The following ASIC2 variants were observed in gnomAD, a reference collection of about 807,000 sequenced individuals.
ASIC2 encodes acid sensing ion channel subunit 2.
ASIC2 carries 25 observed loss-of-function variants against 57.3 expected under a neutral mutation model. That is an observed-to-expected ratio of 0.44 (90% CI 0.32 to 0.61). ASIC2 has a LOEUF of 0.61. ASIC2 is among the 20% of genes least tolerant of loss of function. ASIC2 has a pLI of 0.06. For missense variants in ASIC2, 641 were observed against 738.1 expected (o/e 0.87, Z 1.52); for synonymous variants, 319 against 307.5 (o/e 1.04, Z -0.39).
chr17:33,919,455 TCTAG>T (rs1337795855), intron 1 of ASIC2, among the ~76,000 whole-genome samples: 1 of 152,168 alleles, frequency 6.6e-6, no homozygotes, highest in Non-Finnish European at 1.5e-5. Flanking sequence ...GGGATAACTG[TCTAG>T]CTATATGCAG....
intron 1 of ASIC2, chr17:33,932,700 C>T (rs549300353): frequency 1.2e-4 from 6 of 49,552 alleles, no homozygotes; most frequent in African/African-American, 2.9e-4. Flanking sequence ...GCAACAAAAG[C>T]GAAACTTTGT....
chr17:33,994,516 C>T (rs1906094772), intron 1 of ASIC2, among the ~76,000 whole-genome samples: 1 of 152,186 alleles, frequency 6.6e-6, no homozygotes, highest in South Asian at 2.1e-4. Context: ...TTGCCTCTTT[C>T]CCTAAGTGAG....
chr17:33,076,418 T>C (rs2092089382), intron 3 of ASIC2, among the ~76,000 whole-genome samples: 1 of 152,226 alleles, frequency 6.6e-6, no homozygotes, highest in Non-Finnish European at 1.5e-5. Context: ...AACATATTTG[T>C]AAATAGCTGC....
At chr17:33,100,761 A>G (rs546483976) in intron 2 of ASIC2, among the ~76,000 whole-genome samples, 45 of 152,192 alleles carry the variant, frequency 3.0e-4, no homozygotes, top group Non-Finnish European at 5.9e-4. Context: ...GTAGGTATGC[A>G]GTTGAGATTC....
intron 1 of ASIC2, among the ~76,000 whole-genome samples, chr17:34,094,697 T>C (rs1260695456): frequency 1.3e-5 from 2 of 152,182 alleles, no homozygotes; most frequent in African/African-American, 4.8e-5. Flanking sequence ...TCCAAGCCCA[T>C]CTCACAGGAA....
intron 1 of ASIC2, among the ~76,000 whole-genome samples, chr17:33,639,425 T>C (rs1906481440): frequency 6.6e-6 from 1 of 152,182 alleles, no homozygotes; most frequent in African/African-American, 2.4e-5. Flanking sequence ...TTTTTCTTCG[T>C]TCCAAATCTT....
At chr17:33,640,726 T>C (rs1451485915) in intron 1 of ASIC2, among the ~76,000 whole-genome samples, 1 of 152,008 alleles carries the variant, frequency 6.6e-6, no homozygotes, top group Admixed American at 6.5e-5. Context: ...GTAGTTCCCA[T>C]TCTGCGGTGT....
intron 1 of ASIC2, among the ~76,000 whole-genome samples, chr17:33,570,254 C>T (rs1330639796): frequency 6.6e-6 from 1 of 152,198 alleles, no homozygotes; most frequent in Admixed American, 6.5e-5. Flanking sequence ...TTTCTTCAGT[C>T]CTAGTAAAGA....
rs549664633 is a variant in ASIC2, at chr17:33,967,577, T to A, written c.555+188401A>T. Among the ~76,000 whole-genome samples the A allele has an allele frequency of 5.9e-5, 9 of 152,216 alleles. No individual in the cohort carries two copies. The South Asian group carries it at 1.7e-3, about 28-fold the overall frequency. On this transcript the variant is annotated intron_variant, in intron 1 of 9. Coordinates refer to the ASIC2 transcript ENST00000359872. ...CACAACTTTGAAGGTGGCTCAAAAGTCTTCAGTTACACCCCACTGTTACCT... is the reference window on the plus strand; with the variant it reads ...CACAACTTTGAAGGTGGCTCAAAAGACTTCAGTTACACCCCACTGTTACCT...
chr17:33,856,152 G>T (rs534319436), intron 1 of ASIC2, among the ~76,000 whole-genome samples: 1 of 152,302 alleles, frequency 6.6e-6, no homozygotes, highest in African/African-American at 2.4e-5. Context: ...CAGGGACTCT[G>T]ACATCTGACT....
intron 1 of ASIC2, among the ~76,000 whole-genome samples, chr17:33,369,341 G>A (rs1908952208): frequency 6.6e-6 from 1 of 152,212 alleles, no homozygotes; most frequent in South Asian, 2.1e-4. Flanking sequence ...GTGAGCCTGA[G>A]TCACCTAATT....
At chr17:34,033,251 C>T (rs1309216429) in intron 1 of ASIC2, among the ~76,000 whole-genome samples, 1 of 152,200 alleles carries the variant, frequency 6.6e-6, no homozygotes, top group Non-Finnish European at 1.5e-5. Flanking sequence ...GAACAACCTT[C>T]TCCTGAATGA....
intron 1 of ASIC2, among the ~76,000 whole-genome samples, chr17:33,538,352 C>T (rs182569036): frequency 3.9e-5 from 6 of 152,282 alleles, no homozygotes; most frequent in African/African-American, 4.8e-5. Flanking sequence ...CATACAGACA[C>T]GGCCAGTGGG....
intron 1 of ASIC2, among the ~76,000 whole-genome samples, chr17:33,769,319 G>C (rs1002692871): frequency 2.6e-5 from 4 of 152,216 alleles, no homozygotes; most frequent in African/African-American, 9.6e-5. Context: ...GTTGGCCGTG[G>C]GTTCTGCATG....
chr17:33,921,353 A>G (rs1847762061), intron 1 of ASIC2, among the ~76,000 whole-genome samples: 1 of 152,238 alleles, frequency 6.6e-6, no homozygotes, highest in Non-Finnish European at 1.5e-5. Context: ...CCTGTTATTT[A>G]CTGAATGATT....
intron 1 of ASIC2, among the ~76,000 whole-genome samples, chr17:34,030,063 AC>A (rs1218046594): frequency 6.6e-6 from 1 of 151,926 alleles, no homozygotes; most frequent in East Asian, 1.9e-4. Flanking sequence ...CTTCACAACT[AC>A]CCCCTACTAC....
At chr17:33,902,684 A>G (rs1472702061) in intron 1 of ASIC2, among the ~76,000 whole-genome samples, 4 of 152,196 alleles carry the variant, frequency 2.6e-5, no homozygotes, top group Admixed American at 2.6e-4. Flanking sequence ...GACAGTCAAC[A>G]TCTGGGTTTT....
chr17:33,693,326 T>G (rs1054545229), intron 1 of ASIC2, among the ~76,000 whole-genome samples: 7 of 152,238 alleles, frequency 4.6e-5, no homozygotes, highest in African/African-American at 1.7e-4. Context: ...AGAATCCTCT[T>G]GATTTTTGAA....
intron 1 of ASIC2, among the ~76,000 whole-genome samples, chr17:33,651,949 T>C (rs1012452936): frequency 6.6e-6 from 1 of 152,152 alleles, no homozygotes; most frequent in African/African-American, 2.4e-5. Context: ...AGCCAACACA[T>C]CATCCCGCTG....
Sources: allele counts gnomAD v4.1 joint callset (sites outside exome capture counted in the v4.1 genomes callset), GRCh38; gene constraint gnomAD v4.1.1; transcripts MANE v1.5; gene names NCBI Gene and HGNC (gene_info 2026-07-23, HGNC 2026-07-21).